Variants in SCRG1 observed in about 807,000 individuals in gnomAD.
The protein encoded by SCRG1 is stimulator of chondrogenesis 1.
In SCRG1, 3 loss-of-function variants were observed where a neutral mutation model predicts 7.7. That is an observed-to-expected ratio of 0.39 (90% CI 0.18 to 1.01). The LOEUF (loss-of-function observed/expected upper bound fraction) is 1.01. Among genes scored for constraint, SCRG1 ranks in the 50% least tolerant of loss-of-function variants. The pLI, the probability that SCRG1 is intolerant of heterozygous loss-of-function variation, is 0.36. For synonymous variants in SCRG1, 46 were observed against 41.2 expected, an observed-to-expected ratio of 1.12 and a Z score of -0.44; for missense variants, 110 against 117.2, an observed-to-expected ratio of 0.94 and a Z score of 0.28.
At chr4:173,469,682 C>T in the SCRG1 span, 1 of 152,296 alleles carries the variant, frequency 6.6e-6, no homozygotes, top group African/African-American at 2.4e-5. Flanking sequence ...GCTGAGTTCT[C>T]TTAGCATAAG....
At chr4:173,433,276 G>T in the SCRG1 span, among the ~76,000 whole-genome samples, 1 of 152,192 alleles carries the variant, frequency 6.6e-6, no homozygotes, top group Admixed American at 6.5e-5. Context: ...AATAAAGCAA[G>T]TTCCTTTACT....
upstream of SCRG1, among the ~76,000 whole-genome samples, chr4:173,403,452 A>G (rs566118352): frequency 1.8e-3 from 269 of 152,312 alleles, 1 homozygote; most frequent in African/African-American, 6.1e-3. Context: ...GGGCATAGAG[A>G]GTAAGGCACC....
intron 1 of SCRG1, chr4:173,406,218 C>T (rs995963253): frequency 1.3e-5 from 2 of 152,200 alleles, no homozygotes; most frequent in African/African-American, 4.8e-5. Context: ...TTGTTCATTT[C>T]CAGTATACAT....
the SCRG1 span, among the ~76,000 whole-genome samples, chr4:173,423,296 GATACA>G: frequency 6.6e-6 from 1 of 152,150 alleles, no homozygotes; most frequent in African/African-American, 2.4e-5. Context: ...ATTCATCTAA[GATACA>G]CAAATCTAAG....
chr4:173,405,739 G>A (rs1031198131), intron 1 of SCRG1, among the ~76,000 whole-genome samples: 2 of 152,068 alleles, frequency 1.3e-5, no homozygotes, highest in Admixed American at 6.6e-5. Flanking sequence ...TGTCTCTATG[G>A]CATGCCCCAT....
At chr4:173,448,390 C>T in the SCRG1 span, among the ~76,000 whole-genome samples, 1 of 152,160 alleles carries the variant, frequency 6.6e-6, no homozygotes, top group Non-Finnish European at 1.5e-5. Flanking sequence ...GCTATCATTG[C>T]CCCACGAAAG....
the SCRG1 span, among the ~76,000 whole-genome samples, chr4:173,486,115 G>T: frequency 6.6e-6 from 1 of 152,106 alleles, no homozygotes; most frequent in African/African-American, 2.4e-5. Flanking sequence ...GAATCAGCAG[G>T]CCCTGGAGTC....
the SCRG1 span, among the ~76,000 whole-genome samples, chr4:173,463,884 G>A: frequency 6.6e-6 from 1 of 152,096 alleles, no homozygotes; most frequent in Non-Finnish European, 1.5e-5. Flanking sequence ...CTATCCAGTG[G>A]ATCAATCAAA....
At chr4:173,467,754 C>T in the SCRG1 span, 5 of 152,106 alleles carry the variant, frequency 3.3e-5, no homozygotes, top group Admixed American at 2.0e-4. Context: ...TCTGATGTCC[C>T]AATTATGTTG....
chr4:173,507,895 GCAGCGAGGCCCCTC>G, the SCRG1 span, among the ~76,000 whole-genome samples: 2 of 152,226 alleles, frequency 1.3e-5, no homozygotes, highest in East Asian at 3.9e-4. The surrounding 1 kb of genome is among the most constrained non-coding windows in gnomAD (Gnocchi z 4.4). Flanking sequence ...TCCAAAGCAG[GCAGCGAGGCCCCTC>G]CGCTGGTGGG....
At chr4:173,453,961 C>T in the SCRG1 span, among the ~76,000 whole-genome samples, 2 of 151,992 alleles carry the variant, frequency 1.3e-5, no homozygotes, top group Non-Finnish European at 2.9e-5. Context: ...GCTTGTAGTC[C>T]CAGCTACTCG....
chr4:173,389,279 A>G (rs546915950), intron 2 of SCRG1, among the ~76,000 whole-genome samples: 1 of 152,132 alleles, frequency 6.6e-6, no homozygotes, highest in Admixed American at 6.5e-5. Context: ...TCACGCCTGT[A>G]ATCCCAGCAC....
the SCRG1 span, among the ~76,000 whole-genome samples, chr4:173,463,945 A>G: frequency 3.3e-5 from 5 of 152,170 alleles, no homozygotes; most frequent in South Asian, 1.0e-3. Flanking sequence ...CCAAGATTCA[A>G]CGGACAATGG....
chr4:173,422,806 C>G, the SCRG1 span, among the ~76,000 whole-genome samples: 3 of 152,076 alleles, frequency 2.0e-5, no homozygotes, highest in Non-Finnish European at 4.4e-5. Context: ...TTATCAGTAT[C>G]TTGGCTTTTC....
chr4:173,466,305 C>G, the SCRG1 span, among the ~76,000 whole-genome samples: 1 of 152,132 alleles, frequency 6.6e-6, no homozygotes, highest in Non-Finnish European at 1.5e-5. Context: ...TGAATAGTGT[C>G]GGCTGGAATA....
chr4:173,474,623 A>T, the SCRG1 span, among the ~76,000 whole-genome samples: 1 of 152,182 alleles, frequency 6.6e-6, no homozygotes, highest in Non-Finnish European at 1.5e-5. Flanking sequence ...ACTGAACTTC[A>T]CTTTCCCATT....
At chr4:173,477,705 CCCTTCCTT>C in the SCRG1 span, among the ~76,000 whole-genome samples, 14,875 of 128,014 alleles carry the variant, frequency 0.12, 1,109 homozygotes, top group African/African-American at 0.19. Context: ...TCTTTTTTTT[CCCTTCCTT>C]CCTTCCTTCC....
At chr4:173,459,101 C>A in the SCRG1 span, among the ~76,000 whole-genome samples, 2 of 152,198 alleles carry the variant, frequency 1.3e-5, no homozygotes, top group Non-Finnish European at 2.9e-5. Context: ...AACACAGGAA[C>A]ACCCAGATAC....
chr4:173,432,281 T>A, the SCRG1 span, among the ~76,000 whole-genome samples: 3 of 125,856 alleles, frequency 2.4e-5, no homozygotes, highest in African/African-American at 8.0e-5. Flanking sequence ...CTTTCTTTCT[T>A]CCTTCCTTCC....
Sources: allele counts gnomAD v4.1 joint callset (sites outside exome capture counted in the v4.1 genomes callset), GRCh38; gene constraint gnomAD v4.1.1; non-coding constraint Gnocchi (gnomAD v3.1); transcripts MANE v1.5; gene names NCBI Gene and HGNC (gene_info 2026-07-23, HGNC 2026-07-21).